SPECC1L: variants seen among roughly 807,000 people sequenced by gnomAD.
SPECC1L encodes the protein cytospin-A.
SPECC1L carries 40 observed loss-of-function variants against 116.8 expected under a neutral mutation model. The observed-to-expected ratio is 0.34, with a 90% CI of 0.27 to 0.45. The LOEUF is 0.45. Among genes scored for constraint, SPECC1L ranks in the 20% least tolerant of loss-of-function variants. The probability of loss-of-function intolerance (pLI) is 1.00; values close to 1 mark genes in which losing one functional copy is unlikely to be tolerated. For missense variants in SPECC1L, 1,110 were observed against 1,373.6 expected, an observed-to-expected ratio of 0.81 and a Z score of 3.03; for synonymous variants, 504 against 500.6, an observed-to-expected ratio of 1.01 and a Z score of -0.09.
intron 5 of SPECC1L, 98 bp downstream of exon 5, chr22:24,323,016 T>A (rs1275262858): frequency 8.0e-6 from 12 of 1,496,720 alleles, no homozygotes; most frequent in Non-Finnish European, 1.1e-5. Flanking sequence ...GTTTGGTGTG[T>A]TATTAGCTTT....
chr22:24,371,290 G>A (rs1022033200), intron 14 of SPECC1L, among the ~76,000 whole-genome samples: 4 of 152,008 alleles, frequency 2.6e-5, no homozygotes, highest in African/African-American at 9.7e-5. Context: ...CATATGTTAG[G>A]TCATAAAACT....
intron 14 of SPECC1L, among the ~76,000 whole-genome samples, chr22:24,383,792 ATTTTTTTTTTTTTTTTTTTTTTTTTTTT>A (rs538972717): frequency 1.3e-5 from 1 of 77,338 alleles, no homozygotes; most frequent in Non-Finnish European, 2.3e-5. Flanking sequence ...ACCCACCACT[ATTTTTTTTTTTTTTTTTTTTTTTTTTTT>A]TTTTTTTTTT....
At chr22:24,343,445 G>T (rs201829457) in intron 10 of SPECC1L, 5 of 447,916 alleles carry the variant, frequency 1.1e-5, no homozygotes, top group Non-Finnish European at 2.2e-5. Context: ...CAACAAAATG[G>T]TTGTGTTTTT....
intron 16 of SPECC1L, 45 bp from the exon 17 acceptor site, chr22:24,414,489 G>A: frequency 1.9e-6 from 3 of 1,552,940 alleles, no homozygotes; most frequent in South Asian, 2.3e-5. Context: ...GGCACAGCCT[G>A]GAGGTGACCT....
intron 2 of SPECC1L, among the ~76,000 whole-genome samples, chr22:24,285,929 C>T (rs977852114): frequency 3.9e-5 from 6 of 152,230 alleles, no homozygotes; most frequent in East Asian, 1.9e-4. Flanking sequence ...CGTGAGCTAC[C>T]GCGCCTGGCG....
chr22:24,367,045 T>C (rs2041782613), intron 13 of SPECC1L, among the ~76,000 whole-genome samples: 1 of 152,098 alleles, frequency 6.6e-6, no homozygotes, highest in African/African-American at 2.4e-5. Flanking sequence ...AATACAAAAA[T>C]TAGCCTGATC....
rs114623034 is a variant in SPECC1L at position 24,410,141 on chromosome 22, G to T, written c.3088-1447G>T. ...ATGATGACACCTTCAAGTTACAGAG[G>T]TGTTTTGGTTTGTGGTTTGTGTGTT... is the stretch of plus-strand genomic sequence containing the variant. On this transcript the variant is annotated intron_variant, in intron 14 of 16. Coordinates refer to ENST00000314328, the MANE Select transcript of SPECC1L (RefSeq NM_015330.6). 7.6e-3 allele frequency among the ~76,000 whole-genome samples: 1,161 copies of T among 152,344 alleles called. 13 individuals are homozygous for T. Among genetic ancestry groups the T allele is most frequent in the African/African-American group, 0.026 (1,089 of 41,582 alleles).
chr22:24,368,638 C>T (rs532165950), intron 13 of SPECC1L, among the ~76,000 whole-genome samples: 4 of 152,032 alleles, frequency 2.6e-5, no homozygotes, highest in South Asian at 4.2e-4. Context: ...AGGACATAAA[C>T]GGTTATTTTA....
At position 24,369,202 on chromosome 22, in the gene SPECC1L, G is replaced by A. The variant is rs1401824349; in HGVS notation, c.2985-16G>A. On this transcript the variant is annotated splice_polypyrimidine_tract_variant and intron_variant, in intron 13 of 16. Transcript: ENST00000314328. ...CCAAACAAAAAATATTTCAACTTTG[G>A]GTTACTTGTTTTCAGAGAAGAAAGG... The A allele has an allele frequency of 6.3e-7, 1 of 1,584,368 alleles. No homozygotes were observed. Among genetic ancestry groups the A allele is most frequent in the African/African-American group, 1.3e-5 (1 of 74,446 alleles).
At chr22:24,290,619 C>T (rs139926908) in intron 2 of SPECC1L, among the ~76,000 whole-genome samples, 218 of 152,326 alleles carry the variant, frequency 1.4e-3, no homozygotes, top group African/African-American at 5.0e-3. Flanking sequence ...CTTACCCCTG[C>T]TTCTCTCTCC....
Position 24,415,582 on chromosome 22 carries a change from C to G in SPECC1L, c.*959C>G, listed in dbSNP as rs1415810334. On this transcript the variant is annotated 3_prime_UTR_variant, in exon 17 of 17. Transcript: ENST00000314328. Reference sequence around the variant, plus strand: ...CAGGAAATAGGAGAAAAGTAAACAACTTTAGGGAGCCCAGGCAGTGTCATT... The same window carrying G: ...CAGGAAATAGGAGAAAAGTAAACAAGTTTAGGGAGCCCAGGCAGTGTCATT... 2 of 152,562 alleles carry G rather than the reference C, an allele frequency of 1.3e-5. No individual in the cohort carries two copies. Among genetic ancestry groups the G allele is most frequent in the Non-Finnish European group, 2.9e-5 (2 of 68,032 alleles). The allele number at this position is 152,562 out of a possible 1,614,324, so 9.5% of individuals were successfully genotyped here. A position where few individuals can be genotyped will look rare whatever the true frequency, so the allele number is the denominator to read the frequency against.
Position 24,365,501 on chromosome 22 carries a change from G to T in SPECC1L, c.2853G>T (p.Val951=), listed in dbSNP as rs1219887364. 1.2e-6 allele frequency: 2 copies of T among 1,613,966 alleles called. No homozygotes were observed. The highest frequency in any genetic ancestry group is 2.7e-5 in the African/African-American group (2 of 74,898). The part of the protein sequence containing the change: ...LSVSRRSSEE[V]KRDISAQEGA... The stretch of plus-strand genomic sequence containing the variant: ...TGTCTCGACGAAGTAGTGAAGAAGT[G>T]AAACGGGACATTTCTGCACAGGAGG... The change falls in exon 13 of 17, where the codon GTG becomes GTT. Residue 951 remains valine (V), a synonymous_variant. Transcript: ENST00000314328.
intron 14 of SPECC1L, among the ~76,000 whole-genome samples, chr22:24,393,820 T>C (rs918123841): frequency 2.0e-5 from 3 of 152,154 alleles, no homozygotes; most frequent in Admixed American, 6.6e-5. Flanking sequence ...TCGTGCCCCT[T>C]TGTACTGCCG....
chr22:24,335,536 G>A (rs975490936), intron 9 of SPECC1L, among the ~76,000 whole-genome samples: 9 of 152,200 alleles, frequency 5.9e-5, no homozygotes, highest in Admixed American at 5.9e-4. Context: ...GAAAGGAAAA[G>A]GGATGTGGTT....
At chr22:24,328,818 G>C in intron 6 of SPECC1L, 28 bp from the exon 7 acceptor site, 1 of 1,541,200 alleles carries the variant, frequency 6.5e-7, no homozygotes, top group Non-Finnish European at 9.0e-7. Flanking sequence ...TGTGAGAATA[G>C]ATATTTAAAC....
At chr22:24,277,183 C>T (rs977264039) in intron 2 of SPECC1L, among the ~76,000 whole-genome samples, 11 of 152,162 alleles carry the variant, frequency 7.2e-5, no homozygotes, top group African/African-American at 2.4e-4. Context: ...CTCCATCTCC[C>T]AACTCATGGC....
At chr22:24,371,316 A>G (rs1481637397) in intron 14 of SPECC1L, among the ~76,000 whole-genome samples, 1 of 152,168 alleles carries the variant, frequency 6.6e-6, no homozygotes, top group African/African-American at 2.4e-5. Context: ...CATTAAATTT[A>G]AAAAGACTGA....
intron 11 of SPECC1L, among the ~76,000 whole-genome samples, chr22:24,357,429 A>G (rs541597897): frequency 6.6e-6 from 1 of 152,304 alleles, no homozygotes; most frequent in East Asian, 1.9e-4. Flanking sequence ...AATCATAGTT[A>G]TTTTAAATGC....
intron 14 of SPECC1L, among the ~76,000 whole-genome samples, chr22:24,378,599 T>C (rs2042011251): frequency 6.6e-6 from 1 of 152,236 alleles, no homozygotes; most frequent in African/African-American, 2.4e-5. Context: ...GTCTTCCTTT[T>C]ACTTGAACAC....
Sources: allele counts gnomAD v4.1 joint callset (sites outside exome capture counted in the v4.1 genomes callset), GRCh38; gene constraint gnomAD v4.1.1; transcripts MANE v1.5; gene names NCBI Gene and HGNC (gene_info 2026-07-23, HGNC 2026-07-21).